KLHL23: variants seen among roughly 807,000 people sequenced by gnomAD.
The protein encoded by KLHL23 is kelch-like protein 23.
Under a neutral mutation model 48.9 loss-of-function variants are expected in KLHL23, and 33 were observed. The observed-to-expected ratio is 0.67, with a 90% confidence interval of 0.51 to 0.90. KLHL23 has a LOEUF of 0.90. Among genes scored for constraint, KLHL23 ranks in the 40% least tolerant of loss-of-function variants. The pLI is 0.00. For synonymous variants in KLHL23, 234 were observed against 231.6 expected (o/e 1.01, Z -0.09); for missense variants, 608 against 669.6 (o/e 0.91, Z 1.02).
In KLHL23 at chr2:169,750,735, G is replaced by A. The variant is rs1412591609; in HGVS notation, c.*1003G>A. On this transcript the variant is annotated 3_prime_UTR_variant, in exon 4 of 4. Coordinates refer to ENST00000392647, the MANE Select transcript of KLHL23 (RefSeq NM_144711.6). ...CAAACTAAATTTAAAAGAATAGCAA[G>A]TCTGAAAAATAGAAGATAGTCAAAT... The A allele has an allele frequency of 2.0e-5, 3 of 152,172 alleles. No homozygotes were observed. Among genetic ancestry groups the A allele is most frequent in the African/African-American group, 4.8e-5 (2 of 41,444 alleles). 9.4% of individuals were successfully genotyped at this position (152,172 alleles called of 1,614,324 possible).
At chr2:169,739,213 T>C (rs543760897) in intron 2 of KLHL23, among the ~76,000 whole-genome samples, 2 of 151,716 alleles carry the variant, frequency 1.3e-5, no homozygotes, top group African/African-American at 4.8e-5. Flanking sequence ...CTTTCCTCTA[T>C]GCTCTTCCCT....
intron 3 of KLHL23, among the ~76,000 whole-genome samples, chr2:169,742,255 C>T (rs1159310629): frequency 6.6e-6 from 1 of 152,190 alleles, no homozygotes; most frequent in Non-Finnish European, 1.5e-5. Flanking sequence ...ATCAGGCTTC[C>T]ATGTGGGTCA....
In KLHL23 at chr2:169,751,691, A is replaced by G. The variant is rs1162914969; in HGVS notation, c.*1959A>G. ...AAACGTGGACATGTTTGATATGGTA[A>G]GTAAAATGAGCACAATACAAAATAG... On this transcript the variant is annotated 3_prime_UTR_variant, in exon 4 of 4. Coordinates refer to ENST00000392647, the MANE Select transcript of KLHL23 (RefSeq NM_144711.6). 2.0e-5 allele frequency: 3 copies of G among 152,230 alleles called. No homozygotes were observed. The highest frequency in any genetic ancestry group is 7.2e-5 in the African/African-American group (3 of 41,460). 9.4% of individuals were successfully genotyped at this position (152,230 alleles called of 1,614,324 possible). A position where few individuals can be genotyped will look rare whatever the true frequency, so the allele number is the denominator to read the frequency against.
intron 3 of KLHL23, among the ~76,000 whole-genome samples, chr2:169,747,370 CAG>C (rs1397743764): frequency 9.7e-6 from 1 of 103,184 alleles, no homozygotes; most frequent in Non-Finnish European, 1.8e-5. Flanking sequence ...GCCTGGGAGA[CAG>C]AGCGAGACTC....
In KLHL23 at chr2:169,750,256, G is replaced by C. The variant is rs115067671; in HGVS notation, c.*524G>C. ...GTAAAAGGTGAACTACCTTTGTAGT[G>C]AATCTTTTCCTCTTGGTAGCATCAA... is the stretch of plus-strand genomic sequence containing the variant. On this transcript the variant is annotated 3_prime_UTR_variant, in exon 4 of 4. Coordinates refer to ENST00000392647, the MANE Select transcript of KLHL23 (RefSeq NM_144711.6). The C allele has an allele frequency of 0.014, 2,157 of 153,350 alleles. 60 individuals are homozygous for C. Among genetic ancestry groups the C allele is most frequent in the African/African-American group, 0.05 (2,049 of 41,370 alleles). The allele number at this position is 153,350 out of a possible 1,614,324, so 9.5% of individuals were successfully genotyped here.
At position 169,735,356 on chromosome 2, in the gene KLHL23, G is replaced by T; in HGVS notation, c.342G>T (p.Ala114=). ...KRNVQSLLEA[A]DLLQFLSVKK... ...ATGTTCAAAGCCTGCTTGAGGCAGC[G>T]GATCTGCTACAGTTCCTTTCAGTAA... The change falls in exon 2 of 4, where the codon GCG becomes GCT. Residue 114 remains alanine (A), a synonymous_variant. Coordinates refer to ENST00000392647, the MANE Select transcript of KLHL23 (RefSeq NM_144711.6). The surrounding 1 kb of genome is among the most constrained non-coding windows in gnomAD (Gnocchi z 4.5). 1 of 1,612,854 alleles carries T rather than the reference G, an allele frequency of 6.2e-7. No individual in the cohort carries two copies. The highest frequency in any genetic ancestry group is 1.3e-5 in the African/African-American group (1 of 74,984).
Position 169,749,771 on chromosome 2 carries a change from AG to A in KLHL23, c.*40del. On this transcript the variant is annotated 3_prime_UTR_variant, in exon 4 of 4. Coordinates refer to ENST00000392647, the MANE Select transcript of KLHL23 (RefSeq NM_144711.6). ...AATGACCAAGCAATCACTTTTTTGGAGTATAGTTTTATAAAAAAAGAATGCA... is the reference window on the plus strand; with the variant it reads ...AATGACCAAGCAATCACTTTTTTGGATATAGTTTTATAAAAAAAGAATGCA... 6.5e-7 allele frequency: 1 copy of A among 1,536,188 alleles called. No individual in the cohort carries two copies. The highest frequency in any genetic ancestry group is 2.3e-5 in the East Asian group (1 of 44,004).
At chr2:169,743,940 A>G (rs933262256) in intron 3 of KLHL23, among the ~76,000 whole-genome samples, 1 of 152,248 alleles carries the variant, frequency 6.6e-6, no homozygotes, top group African/African-American at 2.4e-5. Flanking sequence ...TTGACTTCAT[A>G]GAGATACATT....
In KLHL23 at chr2:169,750,237, G is replaced by A. The variant is rs112226984; in HGVS notation, c.*505G>A. 6.5e-6 allele frequency: 1 copy of A among 153,550 alleles called. No homozygotes were observed. The highest frequency in any genetic ancestry group is 1.9e-4 in the East Asian group (1 of 5,178). The allele number at this position is 153,550 out of a possible 1,614,324, so 9.5% of individuals were successfully genotyped here. On this transcript the variant is annotated 3_prime_UTR_variant, in exon 4 of 4. Coordinates refer to ENST00000392647, the MANE Select transcript of KLHL23 (RefSeq NM_144711.6). ...ATAGAATATTTGACACTTGGTAAAA[G>A]GTGAACTACCTTTGTAGTGAATCTT...
rs767906150 is a variant in KLHL23 at position 169,735,667 on chromosome 2, G to A, written c.653G>A (p.Cys218Tyr). ...CATGATGTAGAAAATCGAATTGAATGCCTCTATAATCTACTGAGCTATATC... is the reference window on the plus strand; with the variant it reads ...CATGATGTAGAAAATCGAATTGAATACCTCTATAATCTACTGAGCTATATC... ...TAHDVENRIE[C>Y]LYNLLSYINI... Residue 218 changes from cysteine to tyrosine, a missense_variant, in exon 2 of 4, where the codon TGC becomes TAC. Around this residue, in one of 3 missense-constraint regions of KLHL23, gnomAD observed 419 missense variants for 473.1 expected, o/e 0.89. Coordinates refer to ENST00000392647, the MANE Select transcript of KLHL23 (RefSeq NM_144711.6). The surrounding 1 kb of genome is among the most constrained non-coding windows in gnomAD (Gnocchi z 4.5). 3 of 1,614,028 alleles carry A rather than the reference G, an allele frequency of 1.9e-6. No individual in the cohort carries two copies. Among genetic ancestry groups the A allele is most frequent in the Admixed American group, 3.3e-5 (2 of 60,014 alleles).
Position 169,749,670 on chromosome 2 carries a change from A to G in KLHL23, c.1615A>G (p.Ile539Val). 4 of 1,614,018 alleles carry G rather than the reference A, an allele frequency of 2.5e-6. No homozygotes were observed. Among genetic ancestry groups the G allele is most frequent in the Non-Finnish European group, 1.7e-6 (2 of 1,179,930 alleles). Residue 539 changes from isoleucine (I) to valine (V), a missense_variant, in exon 4 of 4, where the codon ATA (isoleucine) becomes GTA (valine). This residue lies in a region of KLHL23 where 179 missense variants were observed against 169.9 expected (regional missense o/e 1.05). Coordinates refer to ENST00000392647, the MANE Select transcript of KLHL23 (RefSeq NM_144711.6). ...TGATCCAGATCTTAATAAGTGGGAA[A>G]TAGTGGGTAATCTTCCCAGTGCCAT... Reference protein sequence around the residue: ...KYDPDLNKWEIVGNLPSAMRS... With the variant: ...KYDPDLNKWEVVGNLPSAMRS...
In KLHL23 at chr2:169,735,487, C is replaced by G; in HGVS notation, c.473C>G (p.Ser158Cys). Residue 158 changes from serine (S) to cysteine (C), a missense_variant, in exon 2 of 4, where the codon TCT (serine) becomes TGT (cysteine). Ser to Cys is a moderately radical substitution (Grantham distance 112). Transcript: ENST00000392647. This position sits in a 1 kb window ranked among gnomAD's most constrained non-coding sequence, Gnocchi z 4.5. Reference protein sequence around the residue: ...FHVCPELEKESRRILCSKFKE... With the variant: ...FHVCPELEKECRRILCSKFKE... ...GTGTGTCCAGAACTAGAGAAGGAAT[C>G]TCGAAGAATTCTATGTTCAAAGTTT... is the stretch of plus-strand genomic sequence containing the variant. The G allele has an allele frequency of 6.2e-7, 1 of 1,613,994 alleles. No individual in the cohort carries two copies. The highest frequency in any genetic ancestry group is 8.5e-7 in the Non-Finnish European group (1 of 1,180,020).
intron 3 of KLHL23, among the ~76,000 whole-genome samples, chr2:169,745,904 A>T (rs1264470630): frequency 6.6e-6 from 1 of 152,226 alleles, no homozygotes; most frequent in Non-Finnish European, 1.5e-5. Flanking sequence ...CAGCAGGCAA[A>T]GGGAAATGTG....
chr2:169,734,574 C>T (rs1230314043), intron 1 of KLHL23, among the ~76,000 whole-genome samples: 2 of 152,164 alleles, frequency 1.3e-5, no homozygotes, highest in African/African-American at 2.4e-5. Context: ...TTTATATTTC[C>T]ATCATCCCTT....
chr2:169,734,911 C>T (rs1688474317), intron 1 of KLHL23, 102 bp from the exon 2 acceptor site: 1 of 1,409,592 alleles, frequency 7.1e-7, no homozygotes, highest in African/African-American at 1.5e-5. Context: ...GAACTTAGTC[C>T]AGTTTTGGAG....
At chr2:169,748,771 GCCCCC>G (rs397937181) in intron 3 of KLHL23, among the ~76,000 whole-genome samples, 95,770 of 110,668 alleles carry the variant, frequency 0.87, 41,220 homozygotes, top group Admixed American at 0.91. Context: ...GAGGAGGACC[GCCCCC>G]CCCCCCCCCC....
intron 2 of KLHL23, chr2:169,741,115 T>C: frequency 3.5e-6 from 1 of 289,572 alleles, no homozygotes; most frequent in Non-Finnish European, 6.4e-6. Context: ...GCTACCACAG[T>C]ATCACTAGGT....
chr2:169,738,293 CG>C (rs58619112), intron 2 of KLHL23, among the ~76,000 whole-genome samples: 1 of 151,486 alleles, frequency 6.6e-6, no homozygotes, highest in Non-Finnish European at 1.5e-5. Flanking sequence ...CTAGAAATGG[CG>C]GGGGGTCTCA....
chr2:169,749,634 A>G lies in KLHL23; in HGVS notation c.1579A>G (p.Ile527Val), dbSNP rs752744859. The G allele has an allele frequency of 1.1e-5, 18 of 1,614,026 alleles. No individual in the cohort carries two copies. Among genetic ancestry groups the G allele is most frequent in the Middle Eastern group, 1.6e-4 (1 of 6,084 alleles). ...CTCAAAGGGAACGTATCTTCAGAGC[A>G]TTGAGAAATATGATCCAGATCTTAA... ...SYSKGTYLQS[I>V]EKYDPDLNKW... The change falls in exon 4 of 4, where the codon ATT becomes GTT. Residue 527 changes from isoleucine (I) to valine (V), a missense_variant. By Grantham distance (29) the Ile-to-Val change is conservative. Transcript: ENST00000392647.
Sources: gnomAD v4.1 joint callset for allele counts (sites outside exome capture counted in the v4.1 genomes callset) on GRCh38, gnomAD v4.1.1 for gene constraint, gnomAD v4.1.1 regional missense constraint, Gnocchi (gnomAD v3.1) non-coding constraint, MANE v1.5 for transcripts, NCBI Gene and HGNC (gene_info 2026-07-23, HGNC 2026-07-21) for gene names.